The following STRN3 variants were observed in gnomAD, a reference collection of about 807,000 sequenced individuals.
The protein encoded by STRN3 is striatin 3, also known as striatin-3.
A neutral mutation model predicts 95.6 loss-of-function variants in STRN3; 29 were observed. The ratio of observed to expected loss-of-function variants is 0.30; its 90% CI spans 0.23 to 0.41. The LOEUF (loss-of-function observed/expected upper bound fraction) is 0.41. STRN3 is among the 10% of genes least tolerant of loss of function. The pLI, the probability that STRN3 is intolerant of heterozygous loss-of-function variation, is 1.00. For synonymous variants in STRN3, 331 were observed against 357.6 expected (o/e 0.93, Z 0.84); for missense variants, 890 against 972.1 (o/e 0.92, Z 1.12).
At chr14:30,972,231 T>C (rs1046297273) in intron 1 of STRN3, among the ~76,000 whole-genome samples, 2 of 151,810 alleles carry the variant, frequency 1.3e-5, no homozygotes, top group African/African-American at 2.4e-5. Flanking sequence ...TTCCAATCAC[T>C]TGCTCCACCC....
In STRN3 at chr14:30,902,584, T is replaced by A; in HGVS notation, c.2089A>T (p.Ile697Leu). ...VVSHPTLPVT[I>L]TAHEDRHIKF... ...ATGTGTCTATCTTCATGAGCAGTTA[T>A]TGTAACAGGAAGTGTGGGATGACTT... is the stretch of plus-strand genomic sequence containing the variant. Residue 697 changes from isoleucine (I) to leucine (L), a missense_variant, in exon 16 of 18, where the codon ATA (isoleucine) becomes TTA (leucine). Around this residue, in one of 3 missense-constraint regions of STRN3, gnomAD observed 357 missense variants for 422.8 expected, o/e 0.84. Transcript: ENST00000357479. The A allele has an allele frequency of 6.2e-7, 1 of 1,609,558 alleles. No individual in the cohort carries two copies. Among genetic ancestry groups the A allele is most frequent in the South Asian group, 1.1e-5 (1 of 89,800 alleles).
intron 9 of STRN3, among the ~76,000 whole-genome samples, chr14:30,914,643 C>T (rs544098906): frequency 1.4e-4 from 21 of 152,240 alleles, no homozygotes; most frequent in African/African-American, 4.1e-4. Context: ...TGAGCCACCG[C>T]GCCCAGCCTG....
At chr14:30,926,838 T>G (rs1377340864) in intron 8 of STRN3, among the ~76,000 whole-genome samples, 2 of 152,136 alleles carry the variant, frequency 1.3e-5, no homozygotes, top group South Asian at 4.1e-4. Context: ...CAGTACTGAT[T>G]CAGTCAAAGA....
chr14:30,987,401 G>A (rs952843639), intron 1 of STRN3, among the ~76,000 whole-genome samples: 5 of 152,214 alleles, frequency 3.3e-5, no homozygotes, highest in African/African-American at 1.2e-4. Context: ...CAGCTACTCA[G>A]GAGGCTGAGG....
intron 16 of STRN3, among the ~76,000 whole-genome samples, chr14:30,901,864 T>C (rs1287305681): frequency 1.3e-5 from 2 of 152,056 alleles, no homozygotes; most frequent in Admixed American, 6.6e-5. Context: ...CACTGAGACA[T>C]AGTTGTAAGA....
At chr14:31,015,374 C>CA (rs1394764781) in intron 1 of STRN3, among the ~76,000 whole-genome samples, 2 of 151,248 alleles carry the variant, frequency 1.3e-5, no homozygotes, top group Non-Finnish European at 2.9e-5. Context: ...TAAACACTTT[C>CA]AATTTTTTTT....
chr14:30,939,305 A>G (rs1878979222), intron 5 of STRN3, among the ~76,000 whole-genome samples: 1 of 152,150 alleles, frequency 6.6e-6, no homozygotes, highest in Non-Finnish European at 1.5e-5. Flanking sequence ...GATGTTTAGA[A>G]ACAGATCAGT....
At chr14:31,001,397 A>G (rs953556117) in intron 1 of STRN3, among the ~76,000 whole-genome samples, 11 of 152,178 alleles carry the variant, frequency 7.2e-5, no homozygotes, top group Non-Finnish European at 1.6e-4. Flanking sequence ...TTTGCCGGGC[A>G]TGGTGATGTG....
intron 16 of STRN3, among the ~76,000 whole-genome samples, chr14:30,900,030 C>T (rs993124161): frequency 1.3e-5 from 2 of 152,070 alleles, no homozygotes; most frequent in Admixed American, 1.3e-4. Flanking sequence ...TATTTTACCA[C>T]AATTAAATGA....
intron 1 of STRN3, chr14:31,014,725 C>G (rs778437262): frequency 6.7e-5 from 30 of 449,118 alleles, no homozygotes; most frequent in South Asian, 5.0e-4. Context: ...GGTACTGGTA[C>G]TACCTTGAAA....
intron 8 of STRN3, among the ~76,000 whole-genome samples, chr14:30,924,693 T>TA (rs930811309): frequency 1.3e-5 from 2 of 151,940 alleles, no homozygotes; most frequent in Admixed American, 6.6e-5. Flanking sequence ...TCCTGTCTAT[T>TA]AAAAAATGTA....
chr14:30,962,439 C>T (rs1308229054), intron 1 of STRN3, among the ~76,000 whole-genome samples: 2 of 152,152 alleles, frequency 1.3e-5, no homozygotes, highest in Admixed American at 1.3e-4. Flanking sequence ...TGCCACAGGC[C>T]TACAAATTCA....
chr14:30,924,491 C>G (rs921517085), intron 8 of STRN3, among the ~76,000 whole-genome samples: 3 of 151,836 alleles, frequency 2.0e-5, no homozygotes, highest in Non-Finnish European at 2.9e-5. Flanking sequence ...AAGGTCTCAC[C>G]ATGTTGGCCA....
intron 14 of STRN3, 47 bp downstream of exon 14, chr14:30,906,830 A>T (rs1351431809): frequency 1.3e-6 from 2 of 1,569,806 alleles, no homozygotes; most frequent in Non-Finnish European, 1.7e-6. Flanking sequence ...ATATATTCCA[A>T]TTTTTTAAAA....
intron 1 of STRN3, among the ~76,000 whole-genome samples, chr14:30,970,187 C>G (rs1880754720): frequency 6.6e-6 from 1 of 152,176 alleles, no homozygotes. Flanking sequence ...TGGGGACTTG[C>G]CAAGTCAAAG....
intron 9 of STRN3, among the ~76,000 whole-genome samples, chr14:30,917,649 A>T (rs981078448): frequency 3.3e-5 from 5 of 151,988 alleles, no homozygotes; most frequent in Admixed American, 6.5e-5. Context: ...ATCTGAAAAA[A>T]TTAACAGACA....
At chr14:31,025,648 T>C (rs1015454508) in intron 1 of STRN3, 2 of 537,520 alleles carry the variant, frequency 3.7e-6, no homozygotes, top group African/African-American at 4.0e-5. Context: ...GCAGACGCCA[T>C]ACTAAAAGCC....
intron 1 of STRN3, among the ~76,000 whole-genome samples, chr14:30,985,104 G>A (rs1441347443): frequency 6.6e-6 from 1 of 151,424 alleles, no homozygotes; most frequent in East Asian, 1.9e-4. Flanking sequence ...ATCACCTGAG[G>A]TCAGGAGTTC....
intron 5 of STRN3, among the ~76,000 whole-genome samples, chr14:30,941,695 G>A (rs756086388): frequency 1.4e-4 from 22 of 151,956 alleles, no homozygotes; most frequent in Admixed American, 2.6e-4. Context: ...GCATGATCTC[G>A]GCTCACTGCA....
Sources: allele counts gnomAD v4.1 joint callset (sites outside exome capture counted in the v4.1 genomes callset), GRCh38; gene constraint gnomAD v4.1.1; regional missense constraint gnomAD v4.1.1; transcripts MANE v1.5; gene names NCBI Gene and HGNC (gene_info 2026-07-23, HGNC 2026-07-21).